Variants in CNTNAP2 observed in about 807,000 individuals in gnomAD.
CNTNAP2 encodes contactin-associated protein-like 2.
In CNTNAP2, 98 loss-of-function variants were observed where a neutral mutation model predicts 155.2. The observed-to-expected ratio is 0.63, with a 90% CI of 0.54 to 0.75. The LOEUF is 0.75. Among genes scored for constraint, CNTNAP2 ranks in the 30% least tolerant of loss-of-function variants. The pLI is 0.00. For missense variants in CNTNAP2, 1,727 were observed against 1,688.1 expected, an observed-to-expected ratio of 1.02 and a Z score of -0.40; for synonymous variants, 651 against 631.2, an observed-to-expected ratio of 1.03 and a Z score of -0.47.
rs750837961 is a variant in CNTNAP2 at position 146,665,783 on chromosome 7, T to TAA, written c.98-108474_98-108473dup. Among the ~76,000 whole-genome samples, 94 of 48,306 alleles carry TAA rather than the reference T, an allele frequency of 1.9e-3. 17 individuals carry two copies. The highest frequency in any genetic ancestry group is 2.0e-3 in the Non-Finnish European group (55 of 27,718). 31.7% of individuals were successfully genotyped at this position (48,306 alleles called of 152,430 possible). Reference sequence around the variant, plus strand: ...GCTATGGAGTGAGACTCTGTCTCATTAAAAAAAAAAAAAAATACATTTTGT... The same window carrying TAA: ...GCTATGGAGTGAGACTCTGTCTCATTAAAAAAAAAAAAAAAAATACATTTTGT... On this transcript the variant is annotated intron_variant, in intron 1 of 23. Coordinates refer to ENST00000361727, the MANE Select transcript of CNTNAP2 (RefSeq NM_014141.6).
intron 1 of CNTNAP2, among the ~76,000 whole-genome samples, chr7:146,674,065 C>T (rs1494459): frequency 2.3e-4 from 35 of 152,228 alleles, no homozygotes; most frequent in Admixed American, 1.8e-3. Context: ...GTCACCAAAT[C>T]GTAGTTGTTT....
At chr7:147,140,373 C>T (rs901087728) in intron 8 of CNTNAP2, among the ~76,000 whole-genome samples, 3 of 151,960 alleles carry the variant, frequency 2.0e-5, no homozygotes, top group South Asian at 2.1e-4. Context: ...CTGCTCACCT[C>T]CAATTTCCCA....
intron 8 of CNTNAP2, among the ~76,000 whole-genome samples, chr7:147,185,852 G>A (rs1802555268): frequency 6.6e-6 from 1 of 152,192 alleles, no homozygotes; most frequent in Non-Finnish European, 1.5e-5. Flanking sequence ...TCTCGTGACA[G>A]TGAGTAAATC....
chr7:147,486,444 C>G (rs974305424), intron 11 of CNTNAP2, among the ~76,000 whole-genome samples: 2 of 152,114 alleles, frequency 1.3e-5, no homozygotes, highest in African/African-American at 4.8e-5. Flanking sequence ...GTAATTGGAA[C>G]ATTTAGTTTC....
At chr7:147,224,211 A>T (rs1803472446) in intron 8 of CNTNAP2, among the ~76,000 whole-genome samples, 1 of 152,078 alleles carries the variant, frequency 6.6e-6, no homozygotes, top group Non-Finnish European at 1.5e-5. Flanking sequence ...TCTGCTTTTT[A>T]TGTGTTGTTA....
intron 8 of CNTNAP2, among the ~76,000 whole-genome samples, chr7:147,222,484 T>C (rs911030175): frequency 1.3e-5 from 2 of 152,246 alleles, no homozygotes; most frequent in African/African-American, 2.4e-5. Context: ...TCATGCATGC[T>C]GTCACCTTTA....
rs558412693 is a variant in CNTNAP2, at chr7:147,550,168, A to G, written c.1778-11970A>G. ...TGATTGAAATTCCCGGTGGAAAAAT[A>G]TATTTGGGATTTGTTAATTATTTTT... On this transcript the variant is annotated intron_variant, in intron 11 of 23. Transcript: ENST00000361727. Among the ~76,000 whole-genome samples the G allele has an allele frequency of 7.0e-4, 107 of 152,300 alleles. 1 individual carries two copies. The highest frequency in any genetic ancestry group is 2.5e-3 in the African/African-American group (103 of 41,576).
In CNTNAP2 at chr7:147,132,452, G is replaced by A. The variant is rs1300358055; in HGVS notation, c.1291G>A (p.Val431Met). Residue 431 changes from valine to methionine, a missense_variant, in exon 8 of 24, where the codon GTG becomes ATG. Transcript: ENST00000361727. ...GGAGATTGACCTCACTGAAAGCAAA[G>A]TGGGTGTTCACATCAACATCACACA... is the stretch of plus-strand genomic sequence containing the variant. ...NVEIDLTESKVGVHINITQTK... is the reference protein window; with the variant it reads ...NVEIDLTESKMGVHINITQTK... The A allele has an allele frequency of 6.2e-7, 1 of 1,613,668 alleles. No individual in the cohort carries two copies. The highest frequency in any genetic ancestry group is 8.5e-7 in the Non-Finnish European group (1 of 1,179,740).
intron 13 of CNTNAP2, among the ~76,000 whole-genome samples, chr7:147,892,225 G>T (rs1275742824): frequency 6.6e-6 from 1 of 152,144 alleles, no homozygotes; most frequent in African/African-American, 2.4e-5. Context: ...AAATCAGGAA[G>T]CACGTAAAGA....
chr7:146,314,912 T>C (rs1304482552), intron 1 of CNTNAP2, among the ~76,000 whole-genome samples: 1 of 151,954 alleles, frequency 6.6e-6, no homozygotes, highest in Non-Finnish European at 1.5e-5. Flanking sequence ...GATTGCGGAG[T>C]TTATCTCTAG....
intron 13 of CNTNAP2, among the ~76,000 whole-genome samples, chr7:147,653,466 A>G (rs1485078963): frequency 6.6e-6 from 1 of 152,226 alleles, no homozygotes; most frequent in Non-Finnish European, 1.5e-5. Context: ...CAGACATGAA[A>G]TTCAACTATC....
intron 21 of CNTNAP2, among the ~76,000 whole-genome samples, chr7:148,303,818 A>T (rs1304907905): frequency 6.6e-6 from 1 of 152,244 alleles, no homozygotes; most frequent in African/African-American, 2.4e-5. Context: ...TGGCTAAGAC[A>T]GCCCACTTCC....
chr7:147,339,381 G>C (rs966940594), intron 9 of CNTNAP2, among the ~76,000 whole-genome samples: 38 of 152,100 alleles, frequency 2.5e-4, no homozygotes, highest in African/African-American at 8.7e-4. Flanking sequence ...TAAAGAATAT[G>C]ACTTCTTCTT....
intron 11 of CNTNAP2, among the ~76,000 whole-genome samples, chr7:147,509,229 A>G (rs372407525): frequency 2.0e-5 from 3 of 152,020 alleles, no homozygotes; most frequent in Non-Finnish European, 2.9e-5. Context: ...TAGGGCCCCC[A>G]CTCTCTGTTC....
At chr7:147,458,040 C>T (rs1797952413) in intron 10 of CNTNAP2, among the ~76,000 whole-genome samples, 1 of 152,118 alleles carries the variant, frequency 6.6e-6, no homozygotes, top group South Asian at 2.1e-4. Context: ...ATGGATTTTT[C>T]ACTCTAGGAA....
At chr7:147,013,137 T>C (rs1451123618) in intron 3 of CNTNAP2, among the ~76,000 whole-genome samples, 1 of 152,148 alleles carries the variant, frequency 6.6e-6, no homozygotes, top group East Asian at 1.9e-4. Context: ...AGCAAGTATG[T>C]TGTAGAATGA....
intron 2 of CNTNAP2, among the ~76,000 whole-genome samples, chr7:146,838,144 A>G (rs916548013): frequency 6.6e-6 from 1 of 152,040 alleles, no homozygotes; most frequent in African/African-American, 2.4e-5. Flanking sequence ...CAATGACACT[A>G]CTGCACTGCT....
At chr7:147,731,099 T>C (rs73472857) in intron 13 of CNTNAP2, among the ~76,000 whole-genome samples, 16,920 of 152,146 alleles carry the variant, frequency 0.11, 2,838 homozygotes, top group African/African-American at 0.37. Context: ...AACGTGAAAG[T>C]GCAAGGTGAA....
At chr7:146,230,558 T>C (rs1162981710) in intron 1 of CNTNAP2, among the ~76,000 whole-genome samples, 1 of 152,170 alleles carries the variant, frequency 6.6e-6, no homozygotes. Flanking sequence ...AAGAAAAATT[T>C]TAAAATAATT....
Sources: gnomAD v4.1 joint callset for allele counts (sites outside exome capture counted in the v4.1 genomes callset) on GRCh38, gnomAD v4.1.1 for gene constraint, MANE v1.5 for transcripts, NCBI Gene and HGNC (gene_info 2026-07-23, HGNC 2026-07-21) for gene names.